LRPPRC: variants seen among roughly 807,000 people sequenced by gnomAD.
LRPPRC encodes the protein leucine-rich PPR motif-containing protein, mitochondrial.
A neutral mutation model predicts 180.3 loss-of-function variants in LRPPRC; 120 were observed. That is an observed-to-expected ratio of 0.67 (90% CI 0.57 to 0.77). The LOEUF (loss-of-function observed/expected upper bound fraction) is 0.77. Among genes scored for constraint, LRPPRC ranks in the 30% least tolerant of loss-of-function variants. LRPPRC has a pLI of 0.00. For missense variants in LRPPRC, 2,012 were observed against 1,657.2 expected (o/e 1.21, Z -3.72); for synonymous variants, 723 against 600.0 (o/e 1.21, Z -3.00).
At chr2:43,986,432 T>C (rs914136210) in intron 1 of LRPPRC, among the ~76,000 whole-genome samples, 1 of 152,184 alleles carries the variant, frequency 6.6e-6, no homozygotes, top group Non-Finnish European at 1.5e-5. Context: ...GCCCAGGCCA[T>C]ACACGTTCTT....
At chr2:43,978,748 C>T (rs943964494) in intron 3 of LRPPRC, among the ~76,000 whole-genome samples, 8 of 151,884 alleles carry the variant, frequency 5.3e-5, no homozygotes, top group Non-Finnish European at 7.4e-5. Flanking sequence ...TGTCTTTATC[C>T]TGTAGTTTTT....
chr2:43,905,654 G>T, intron 31 of LRPPRC, 38 bp downstream of exon 31: 3 of 1,395,564 alleles, frequency 2.1e-6, no homozygotes, highest in Non-Finnish European at 3.1e-6. Context: ...ATCTGCAGAG[G>T]CATTAATGTG....
At chr2:43,988,052 C>G (rs1457436204) in intron 1 of LRPPRC, among the ~76,000 whole-genome samples, 4 of 151,942 alleles carry the variant, frequency 2.6e-5, no homozygotes, top group Non-Finnish European at 5.9e-5. Flanking sequence ...ACCAGCCCGG[C>G]CAACATGTGA....
At chr2:43,988,545 GAA>G (rs776722307) in intron 1 of LRPPRC, among the ~76,000 whole-genome samples, 1 of 151,880 alleles carries the variant, frequency 6.6e-6, no homozygotes, top group Non-Finnish European at 1.5e-5. Context: ...TAACAAGAAA[GAA>G]AAGAGACGCC....
chr2:43,941,277 T>C (rs1672470954), intron 23 of LRPPRC, among the ~76,000 whole-genome samples: 1 of 152,196 alleles, frequency 6.6e-6, no homozygotes, highest in African/African-American at 2.4e-5. Flanking sequence ...ATTATCTTTC[T>C]AAGGAACTCA....
At chr2:43,949,566 G>C (rs749839952) in intron 16 of LRPPRC, 36 bp downstream of exon 16, 16 of 1,550,068 alleles carry the variant, frequency 1.0e-5, no homozygotes, top group Non-Finnish European at 7.1e-6. Context: ...AAATGGATTT[G>C]TGGATAAGTT....
chr2:43,967,641 C>T (rs1341402601), intron 11 of LRPPRC, among the ~76,000 whole-genome samples: 4 of 152,090 alleles, frequency 2.6e-5, no homozygotes, highest in Non-Finnish European at 2.9e-5. Context: ...TTACAGTGAG[C>T]CAGTATCACG....
At chr2:43,948,015 A>G (rs949083852) in intron 18 of LRPPRC, 107 bp downstream of exon 18, 2 of 820,062 alleles carry the variant, frequency 2.4e-6, no homozygotes, top group Admixed American at 1.9e-5. Context: ...GCTGTCATTG[A>G]AACAAATTTT....
At position 43,982,238 on chromosome 2, in the gene LRPPRC, C is replaced by T. The variant is rs1674340696; in HGVS notation, c.346G>A (p.Gly116Ser). Residue 116 changes from glycine to serine, a missense_variant and splice_region_variant, in exon 2 of 38, where the codon GGT becomes AGT. Coordinates refer to ENST00000260665, the MANE Select transcript of LRPPRC (RefSeq NM_133259.4). ...TTATGAACAGGAAATTTTGAAATAC[C>T]TGAGCGGCAGGTATCATTAAAAACT... ...QKVFNDTCRS[G>S]GLGGSHALLL... is the part of the protein sequence containing the mutation. 6.4e-7 allele frequency: 1 copy of T among 1,558,206 alleles called. No individual in the cohort carries two copies.
At chr2:43,907,148 G>A (rs951995839) in intron 30 of LRPPRC, among the ~76,000 whole-genome samples, 12 of 152,170 alleles carry the variant, frequency 7.9e-5, no homozygotes, top group African/African-American at 2.9e-4. Context: ...CACTAAGTAT[G>A]AACTACAAAC....
intron 37 of LRPPRC, 130 bp from the exon 38 acceptor site, chr2:43,888,786 A>G: frequency 1.5e-6 from 1 of 667,306 alleles, no homozygotes. Context: ...CTGCCCCTCA[A>G]GCTTCAGTAC....
Position 43,960,617 on chromosome 2 carries a change from A to G in LRPPRC, c.1506T>C (p.Ser502=), listed in dbSNP as rs1163183496. 1 of 1,589,252 alleles carries G rather than the reference A, an allele frequency of 6.3e-7. No individual in the cohort carries two copies. Among genetic ancestry groups the G allele is most frequent in the East Asian group, 2.2e-5 (1 of 44,726 alleles). ...CAGCTTGAGAAAACATATCACTATC[A>G]GACAGACATCCATTTTCCTGGAGAT... The part of the protein sequence containing the change: ...RAILQENGCL[S]DSDMFSQAGL... Residue 502 remains serine, a synonymous_variant, in exon 13 of 38, where the codon TCT becomes TCC. Transcript: ENST00000260665.
chr2:43,896,497 TAG>T, intron 35 of LRPPRC, 135 bp downstream of exon 35: 1 of 662,084 alleles, frequency 1.5e-6, no homozygotes, highest in Non-Finnish European at 2.7e-6. Context: ...TGACTCTAAG[TAG>T]AGACAAGCAA....
At chr2:43,907,998 T>C (rs927399322) in intron 30 of LRPPRC, among the ~76,000 whole-genome samples, 1 of 152,190 alleles carries the variant, frequency 6.6e-6, no homozygotes, top group Middle Eastern at 3.2e-3. Context: ...GCAATGACTG[T>C]GCTTACATAA....
intron 14 of LRPPRC, among the ~76,000 whole-genome samples, chr2:43,953,434 CTA>C (rs1292875225): frequency 6.6e-6 from 1 of 152,180 alleles, no homozygotes; most frequent in Admixed American, 6.5e-5. Context: ...CTTATTTTTA[CTA>C]TGTCAAGAAT....
At chr2:43,945,504 G>A in intron 21 of LRPPRC, 87 bp from the exon 22 acceptor site, 1 of 814,070 alleles carries the variant, frequency 1.2e-6, no homozygotes. Context: ...CTTTTCAAAA[G>A]CTCATCAGAA....
intron 25 of LRPPRC, among the ~76,000 whole-genome samples, chr2:43,930,877 T>TAAAC (rs552244656): frequency 3.9e-5 from 6 of 152,258 alleles, no homozygotes; most frequent in South Asian, 2.1e-4. Context: ...TATTTCTCTG[T>TAAAC]AAACAAACAA....
chr2:43,905,780 G>T lies in LRPPRC; in HGVS notation c.3276C>A (p.Phe1092Leu). ...YFTQAMEVKA[F>L]AETHIKGFTL... is the part of the protein sequence containing the mutation. Reference sequence around the variant, plus strand: ...TGAAGCCCTTGATGTGGGTCTCCGCGCTAAAAGAAGCAGACATTTAGAAAG... The same window carrying T: ...TGAAGCCCTTGATGTGGGTCTCCGCTCTAAAAGAAGCAGACATTTAGAAAG... The change falls in exon 31 of 38, where the codon TTC (phenylalanine) becomes TTA (leucine). Residue 1092 changes from phenylalanine (F) to leucine (L), a missense_variant and splice_region_variant. By Grantham distance (22) the Phe-to-Leu change is conservative (BLOSUM62 0). Transcript: ENST00000260665. 1 of 1,592,922 alleles carries T rather than the reference G, an allele frequency of 6.3e-7. No individual in the cohort carries two copies. The highest frequency in any genetic ancestry group is 8.6e-7 in the Non-Finnish European group (1 of 1,160,578).
At position 43,967,402 on chromosome 2, in the gene LRPPRC, A is replaced by C. The variant is rs78507290; in HGVS notation, c.1370-3696T>G. On this transcript the variant is annotated intron_variant, in intron 11 of 37. Coordinates refer to ENST00000260665, the MANE Select transcript of LRPPRC (RefSeq NM_133259.4). ...TATAGATAGATGATCGATTGATAGA[A>C]AGACAGATATAGATTTAGCTACACA... is the stretch of plus-strand genomic sequence containing the variant. 1.1e-4 allele frequency among the ~76,000 whole-genome samples: 17 copies of C among 151,944 alleles called. No homozygotes were observed. In the South Asian group the frequency reaches 1.9e-3, roughly 17 times the overall value.
Sources: allele counts gnomAD v4.1 joint callset (sites outside exome capture counted in the v4.1 genomes callset), GRCh38; gene constraint gnomAD v4.1.1; transcripts MANE v1.5; gene names NCBI Gene and HGNC (gene_info 2026-07-23, HGNC 2026-07-21).